The following DPP6 variants were observed in gnomAD, a reference collection of about 807,000 sequenced individuals.
The protein encoded by DPP6 is A-type potassium channel modulatory protein DPP6.
A neutral mutation model predicts 122.6 loss-of-function variants in DPP6; 69 were observed. That is an observed-to-expected ratio of 0.56 (90% CI 0.46 to 0.69). DPP6 has a LOEUF of 0.69. DPP6 is among the 30% of genes least tolerant of loss of function. The probability of loss-of-function intolerance (pLI) is 0.00; values close to 1 mark genes in which losing one functional copy is unlikely to be tolerated. For missense variants in DPP6, 928 were observed against 1,116.9 expected (o/e 0.83, Z 2.41); for synonymous variants, 418 against 433.1 (o/e 0.97, Z 0.43).
At chr7:154,787,857 AT>A (rs1165476829) in intron 10 of DPP6, among the ~76,000 whole-genome samples, 11 of 152,184 alleles carry the variant, frequency 7.2e-5, no homozygotes, top group Non-Finnish European at 1.5e-5. Context: ...AGGTGTTTCT[AT>A]TCCTTTTTTC....
chr7:154,292,326 A>G (rs1311807283), intron 1 of DPP6, among the ~76,000 whole-genome samples: 1 of 152,050 alleles, frequency 6.6e-6, no homozygotes, highest in Non-Finnish European at 1.5e-5. Flanking sequence ...GGCTTTGAGA[A>G]CTCATCAATC....
chr7:153,966,642 G>T (rs1563058017), intron 1 of DPP6, among the ~76,000 whole-genome samples: 1 of 140,326 alleles, frequency 7.1e-6, no homozygotes, highest in Non-Finnish European at 1.5e-5. Flanking sequence ...TACAGTATAT[G>T]TGCACAACGT....
the DPP6 span, among the ~76,000 whole-genome samples, chr7:153,802,238 GA>G: frequency 1.3e-5 from 2 of 152,148 alleles, no homozygotes; most frequent in African/African-American, 4.8e-5. Flanking sequence ...TCTGACAAGG[GA>G]ATAACAATCT....
intron 2 of DPP6, among the ~76,000 whole-genome samples, chr7:154,462,053 G>A (rs1821345930): frequency 6.6e-6 from 1 of 152,096 alleles, no homozygotes; most frequent in South Asian, 2.1e-4. Context: ...TGAGAGGGAA[G>A]GGTCTAGTTT....
intron 18 of DPP6, among the ~76,000 whole-genome samples, chr7:154,870,962 C>CAAAAA: frequency 1.0e-5 from 1 of 99,064 alleles, no homozygotes; most frequent in Non-Finnish European, 2.0e-5. Context: ...GACTCCATCT[C>CAAAAA]AAAAAAAAAA....
chr7:154,331,609 C>A lies in DPP6; in HGVS notation c.244-114605C>A, dbSNP rs141628265. On this transcript the variant is annotated intron_variant, in intron 1 of 25. Coordinates refer to ENST00000377770, the MANE Select transcript of DPP6 (RefSeq NM_130797.4). The stretch of plus-strand genomic sequence containing the variant: ...AAGAAGATGCAGCTTTGGAAGGTAT[C>A]CACGAGGGAATAGCCATCAATTTGC... Among the ~76,000 whole-genome samples, 7 of 152,244 alleles carry A rather than the reference C, an allele frequency of 4.6e-5. No individual in the cohort carries two copies. In the East Asian group the frequency reaches 1.4e-3, roughly 29 times the overall value.
chr7:154,184,920 T>C (rs1455185864), intron 1 of DPP6, among the ~76,000 whole-genome samples: 2 of 152,204 alleles, frequency 1.3e-5, no homozygotes, highest in East Asian at 3.8e-4. Flanking sequence ...CACGGTGCGA[T>C]GGTTAGCCAT....
intron 6 of DPP6, among the ~76,000 whole-genome samples, chr7:154,649,000 C>T (rs1438212530): frequency 6.6e-6 from 1 of 152,068 alleles, no homozygotes; most frequent in Non-Finnish European, 1.5e-5. Flanking sequence ...CATAAGCTCC[C>T]CACAAGCAAG....
At chr7:154,636,924 A>G (rs1189838649) in intron 5 of DPP6, among the ~76,000 whole-genome samples, 2 of 152,224 alleles carry the variant, frequency 1.3e-5, no homozygotes, top group South Asian at 2.1e-4. Flanking sequence ...ATTTAGCCAC[A>G]TAGGGCACCA....
chr7:153,970,687 C>T (rs1795977439), intron 1 of DPP6, among the ~76,000 whole-genome samples: 1 of 152,102 alleles, frequency 6.6e-6, no homozygotes, highest in African/African-American at 2.4e-5. Flanking sequence ...AAGTAAAGAT[C>T]AAGGATCATT....
At chr7:154,805,294 T>C (rs970980186) in intron 15 of DPP6, among the ~76,000 whole-genome samples, 8 of 151,940 alleles carry the variant, frequency 5.3e-5, no homozygotes, top group African/African-American at 1.5e-4. Context: ...CTGCCCCCCC[T>C]GCCCCACCAC....
At chr7:154,550,447 A>G (rs1333805214) in intron 4 of DPP6, among the ~76,000 whole-genome samples, 1 of 152,218 alleles carries the variant, frequency 6.6e-6, no homozygotes, top group Non-Finnish European at 1.5e-5. Context: ...AATATCTAGC[A>G]GAGACAAATA....
chr7:154,389,730 A>G (rs949529592), intron 1 of DPP6, among the ~76,000 whole-genome samples: 3 of 152,188 alleles, frequency 2.0e-5, no homozygotes, highest in Non-Finnish European at 4.4e-5. Flanking sequence ...AGTCCTCAAA[A>G]TGTAATAGGC....
intron 16 of DPP6, among the ~76,000 whole-genome samples, chr7:154,849,730 TC>T (rs774524970): frequency 6.6e-6 from 1 of 152,238 alleles, no homozygotes; most frequent in Non-Finnish European, 1.5e-5. Flanking sequence ...AGAGTGGGCA[TC>T]CTTGTCTTTC....
intron 6 of DPP6, among the ~76,000 whole-genome samples, chr7:154,643,551 C>T (rs1318935995): frequency 6.7e-6 from 1 of 149,196 alleles, no homozygotes. Flanking sequence ...TCACTGCAAC[C>T]TCCGCCCCCC....
At chr7:154,488,924 T>C (rs73726900) in intron 3 of DPP6, among the ~76,000 whole-genome samples, 8,893 of 152,248 alleles carry the variant, frequency 0.058, 839 homozygotes, top group African/African-American at 0.2. Context: ...CTACCAGCAC[T>C]GCATCTTCTC....
At chr7:154,692,677 C>A (rs1391231273) in intron 7 of DPP6, among the ~76,000 whole-genome samples, 3 of 152,110 alleles carry the variant, frequency 2.0e-5, no homozygotes, top group Admixed American at 1.3e-4. Context: ...TACATAGAGA[C>A]CCACTCACCT....
At chr7:153,771,190 C>T in the DPP6 span, among the ~76,000 whole-genome samples, 1 of 152,118 alleles carries the variant, frequency 6.6e-6, no homozygotes, top group Non-Finnish European at 1.5e-5. Context: ...CACACACATA[C>T]CATGTTCAAT....
intron 1 of DPP6, among the ~76,000 whole-genome samples, chr7:153,932,907 G>T (rs1386193726): frequency 1.3e-5 from 2 of 152,152 alleles, no homozygotes; most frequent in African/African-American, 4.8e-5. Flanking sequence ...GTGGCGGGAG[G>T]TATTTGAATC....
Sources: gnomAD v4.1 joint callset for allele counts (sites outside exome capture counted in the v4.1 genomes callset) on GRCh38, gnomAD v4.1.1 for gene constraint, MANE v1.5 for transcripts, NCBI Gene and HGNC (gene_info 2026-07-23, HGNC 2026-07-21) for gene names.